The following ZNF74 variants were observed in gnomAD, a reference collection of about 807,000 sequenced individuals.
ZNF74 encodes zinc finger protein 520.
A neutral mutation model predicts 17.7 loss-of-function variants in ZNF74; 12 were observed. The ratio of observed to expected loss-of-function variants is 0.68; its 90% CI spans 0.43 to 1.10. The LOEUF (loss-of-function observed/expected upper bound fraction) is 1.10, where lower values mean the gene tolerates loss of function less well. Ranked by LOEUF, ZNF74 falls within the 50% of genes least tolerant of loss-of-function variation. The probability of loss-of-function intolerance (pLI) is 0.00; values close to 1 mark genes in which losing one functional copy is unlikely to be tolerated. For missense variants in ZNF74, 811 were observed against 881.0 expected, an observed-to-expected ratio of 0.92 and a Z score of 1.01; for synonymous variants, 358 against 362.1, an observed-to-expected ratio of 0.99 and a Z score of 0.13.
intron 4 of ZNF74, among the ~76,000 whole-genome samples, chr22:20,403,782 C>A (rs1286086705): frequency 1.3e-5 from 2 of 152,058 alleles, no homozygotes; most frequent in Non-Finnish European, 2.9e-5. Flanking sequence ...CCTCTGCTTC[C>A]CCCGCCCCCC....
Position 20,406,844 on chromosome 22 carries a change from G to C in ZNF74, c.1811G>C (p.Gly604Ala). The change falls in exon 5 of 5, where the codon GGT becomes GCT. Residue 604 changes from glycine (G) to alanine (A), a missense_variant. Physicochemically the swap from Gly to Ala is moderately conservative, Grantham distance 60. Coordinates refer to ENST00000400451, the MANE Select transcript of ZNF74 (RefSeq NM_003426.4). ...TACTACGTGCCTGGCAGCCTGCTGG[G>C]TGCAGGGGATGCTGGACTGAGGGAC... ...STYYVPGSLL[G>A]AGDAGLRDVD... The C allele has an allele frequency of 6.2e-7, 1 of 1,614,108 alleles. No individual in the cohort carries two copies. Among genetic ancestry groups the C allele is most frequent in the Non-Finnish European group, 8.5e-7 (1 of 1,180,042 alleles).
rs894864168 is a variant in ZNF74 at position 20,408,337 on chromosome 22, G to T, written c.*1369G>T. ...CTTTATACGGAGTGCTATCGTTTAT[G>T]AAATGCTTTCAGTATGCTTTTTAAA... is the stretch of plus-strand genomic sequence containing the variant. On this transcript the variant is annotated 3_prime_UTR_variant, in exon 5 of 5. Transcript: ENST00000400451. 6.6e-6 allele frequency: 1 copy of T among 152,224 alleles called. No homozygotes were observed. Among genetic ancestry groups the T allele is most frequent in the Non-Finnish European group, 1.5e-5 (1 of 68,040 alleles). The allele number at this position is 152,224 out of a possible 1,614,324, so 9.4% of individuals were successfully genotyped here.
In ZNF74 at chr22:20,406,806, C is replaced by T. The variant is rs775959336; in HGVS notation, c.1773C>T (p.His591=). The T allele has an allele frequency of 1.2e-5, 19 of 1,614,008 alleles. No homozygotes were observed. The highest frequency in any genetic ancestry group is 1.6e-5 in the Non-Finnish European group (19 of 1,180,038). ...GKPLAIQFNK[H]LLSTYYVPGS... ...CCTTGGCCATCCAGTTCAACAAACA[C>T]CTGCTCAGCACATACTACGTGCCTG... Residue 591 remains histidine (H), a synonymous_variant, in exon 5 of 5, where the codon CAC becomes CAT. Coordinates refer to ENST00000400451, the MANE Select transcript of ZNF74 (RefSeq NM_003426.4).
rs760111961 is a variant in ZNF74 at position 20,405,700 on chromosome 22, G to A, written c.667G>A (p.Ala223Thr). ...CGCGAGACTGTGTGCAGGGGAAAAC[G>A]CCTCCACGCCAAGTGAGCCAGAAAA... The part of the protein sequence containing the change: ...APARLCAGEN[A>T]STPSEPEKFP... Residue 223 changes from alanine (A) to threonine (T), a missense_variant, in exon 5 of 5, where the codon GCC becomes ACC. Around this residue, in one of 3 missense-constraint regions of ZNF74, gnomAD observed 666 missense variants for 702.3 expected, o/e 0.95. Coordinates refer to ENST00000400451, the MANE Select transcript of ZNF74 (RefSeq NM_003426.4). The A allele has an allele frequency of 5.6e-6, 9 of 1,605,390 alleles. No individual in the cohort carries two copies. Among genetic ancestry groups the A allele is most frequent in the African/African-American group, 1.3e-5 (1 of 74,704 alleles).
chr22:20,406,485 C>T lies in ZNF74; in HGVS notation c.1452C>T (p.His484=), dbSNP rs377060232. ...CNECGKAFSS[H]AYLIVHRRIH... is the part of the protein sequence containing the mutation. Reference sequence around the variant, plus strand: ...AGTGCGGCAAAGCCTTCAGCTCCCACGCCTACCTCATCGTGCACCGGCGCA... The same window carrying T: ...AGTGCGGCAAAGCCTTCAGCTCCCATGCCTACCTCATCGTGCACCGGCGCA... The change falls in exon 5 of 5, where the codon CAC becomes CAT. Residue 484 remains histidine, a synonymous_variant. Coordinates refer to ENST00000400451, the MANE Select transcript of ZNF74 (RefSeq NM_003426.4). 6 of 1,613,750 alleles carry T rather than the reference C, an allele frequency of 3.7e-6. No homozygotes were observed. The African/African-American group carries it at 5.3e-5, about 14-fold the overall frequency.
rs1227204625 is a variant in ZNF74 at position 20,407,338 on chromosome 22, C to G, written c.*370C>G. 2 of 223,964 alleles carry G rather than the reference C, an allele frequency of 8.9e-6. No individual in the cohort carries two copies. The highest frequency in any genetic ancestry group is 1.8e-5 in the Non-Finnish European group (2 of 112,718). 13.9% of individuals were successfully genotyped at this position (223,964 alleles called of 1,614,324 possible). On this transcript the variant is annotated 3_prime_UTR_variant, in exon 5 of 5. Transcript: ENST00000400451. ...GTGGGAGGCCAAGGCAAGGGGATCA[C>G]TTGAGCCCAGGAGTCTAGGACCAGC...
Position 20,408,266 on chromosome 22 carries a change from T to A in ZNF74, c.*1298T>A, listed in dbSNP as rs2146105997. ...GAGTTAATCTTGAATGAATGTTATT[T>A]CTACTTAGTCCTAAGCAAGAATAAG... On this transcript the variant is annotated 3_prime_UTR_variant, in exon 5 of 5. Coordinates refer to ENST00000400451, the MANE Select transcript of ZNF74 (RefSeq NM_003426.4). The A allele has an allele frequency of 6.6e-6, 1 of 152,368 alleles. No individual in the cohort carries two copies. The highest frequency in any genetic ancestry group is 1.9e-4 in the East Asian group (1 of 5,192). The allele number at this position is 152,368 out of a possible 1,614,324, so 9.4% of individuals were successfully genotyped here.
Position 20,401,418 on chromosome 22 carries a change from G to C in ZNF74, c.343+46G>C, listed in dbSNP as rs1299256125. The C allele has an allele frequency of 7.8e-7, 1 of 1,286,966 alleles. No individual in the cohort carries two copies. The allele number at this position is 1,286,966 out of a possible 1,614,324, so 79.7% of individuals were successfully genotyped here. A position where few individuals can be genotyped will look rare whatever the true frequency, so the allele number is the denominator to read the frequency against. On this transcript the variant is annotated intron_variant, in intron 4 of 4. Transcript: ENST00000400451. This position sits in a 1 kb window ranked among gnomAD's most constrained non-coding sequence, Gnocchi z 4.2. ...AAGGGTGCCAGCCCCAGCACCCCTG[G>C]TGGCACCTCCTCCTATGGCCCCTAT...
chr22:20,394,928 T>C, intron 1 of ZNF74: 2 of 506,330 alleles, frequency 3.9e-6, no homozygotes, highest in Non-Finnish European at 7.0e-6. Context: ...GCCCGGCTAA[T>C]GTTTGTATTT....
intron 1 of ZNF74, chr22:20,394,967 C>G (rs973260721): frequency 4.3e-6 from 2 of 463,858 alleles, no homozygotes; most frequent in Non-Finnish European, 7.7e-6. Flanking sequence ...TGCCATGTTT[C>G]CCAGGCTGGT....
Position 20,401,224 on chromosome 22 carries a change from G to C in ZNF74, c.248-53G>C. ...TTGTTAGGGGGCGGCCTGTAAGGTCGACTGGGCCTGGAGAGCTGCAGCATG... is the reference window on the plus strand; with the variant it reads ...TTGTTAGGGGGCGGCCTGTAAGGTCCACTGGGCCTGGAGAGCTGCAGCATG... On this transcript the variant is annotated intron_variant, in intron 3 of 4. Transcript: ENST00000400451. This position sits in a 1 kb window ranked among gnomAD's most constrained non-coding sequence, Gnocchi z 4.2. 1 of 1,303,534 alleles carries C rather than the reference G, an allele frequency of 7.7e-7. No homozygotes were observed. Among genetic ancestry groups the C allele is most frequent in the Non-Finnish European group, 1.1e-6 (1 of 916,982 alleles). 80.7% of individuals were successfully genotyped at this position (1,303,534 alleles called of 1,614,324 possible). A position where few individuals can be genotyped will look rare whatever the true frequency, so the allele number is the denominator to read the frequency against.
Position 20,406,878 on chromosome 22 carries a change from C to T in ZNF74, c.1845C>T (p.Pro615=), listed in dbSNP as rs1449523013. ...AGDAGLRDVD[P]IDALDVAKLL... is the part of the protein sequence containing the mutation. ...ATGCTGGACTGAGGGACGTGGATCC[C>T]ATCGACGCGCTGGATGTGGCAAAGC... The change falls in exon 5 of 5, where the codon CCC becomes CCT. Residue 615 remains proline, a synonymous_variant. Coordinates refer to ENST00000400451, the MANE Select transcript of ZNF74 (RefSeq NM_003426.4). 3 of 1,614,042 alleles carry T rather than the reference C, an allele frequency of 1.9e-6. No homozygotes were observed. The highest frequency in any genetic ancestry group is 2.5e-6 in the Non-Finnish European group (3 of 1,180,040).
chr22:20,405,861 C>G lies in ZNF74; in HGVS notation c.828C>G (p.Tyr276Ter), dbSNP rs762294533. The G allele has an allele frequency of 1.2e-6, 2 of 1,613,762 alleles. No individual in the cohort carries two copies. The highest frequency in any genetic ancestry group is 1.7e-6 in the Non-Finnish European group (2 of 1,179,916). Residue 276 changes from tyrosine to a stop codon, truncating the protein, a stop_gained, in exon 5 of 5, where the codon TAC becomes TAG. Coordinates refer to ENST00000400451, the MANE Select transcript of ZNF74 (RefSeq NM_003426.4). LOFTEE classifies it low-confidence loss of function (END_TRUNC). ...HRRWHSREKAYKCDECGKAFT... is the reference protein window; with the variant it reads ...HRRWHSREKA The stretch of plus-strand genomic sequence containing the variant: ...GCTGGCACAGCCGGGAGAAGGCTTA[C>G]AAGTGCGATGAATGCGGCAAGGCCT...
chr22:20,400,554 G>C (rs73879342), intron 2 of ZNF74, 78 bp from the exon 3 acceptor site: 19,770 of 1,579,424 alleles, frequency 0.013, 676 homozygotes, highest in African/African-American at 0.092. Context: ...TACTTGTAGG[G>C]TCCTTAATCA....
chr22:20,394,933 G>C, intron 1 of ZNF74: 1 of 503,596 alleles, frequency 2.0e-6, no homozygotes, highest in Non-Finnish European at 3.5e-6. Flanking sequence ...GCTAATGTTT[G>C]TATTTTTAGT....
Position 20,394,590 on chromosome 22 carries a change from C to CAGCT in ZNF74, c.-38_-35dup. On this transcript the variant is annotated 5_prime_UTR_variant, in exon 1 of 5. Transcript: ENST00000400451. ...CCTGCCCTGGATCCTGGAGGCTACA[C>CAGCT]AGCTGCCCACTCCTCCTGGGGAGGC... 6.2e-7 allele frequency: 1 copy of CAGCT among 1,612,730 alleles called. No individual in the cohort carries two copies. The highest frequency in any genetic ancestry group is 8.5e-7 in the Non-Finnish European group (1 of 1,178,790).
rs890008665 is a variant in ZNF74, at chr22:20,407,121, C to T, written c.*153C>T. ...TCAGGTCTGCATGCCAGGGTGCCTC[C>T]TCTAGTTAAAGTCAGTCACCTCCCC... On this transcript the variant is annotated 3_prime_UTR_variant, in exon 5 of 5. Coordinates refer to ENST00000400451, the MANE Select transcript of ZNF74 (RefSeq NM_003426.4). 1.3e-5 allele frequency: 17 copies of T among 1,283,732 alleles called. No homozygotes were observed. The highest frequency in any genetic ancestry group is 1.7e-5 in the Non-Finnish European group (16 of 962,762). The allele number at this position is 1,283,732 out of a possible 1,614,324, so 79.5% of individuals were successfully genotyped here. A position where few individuals can be genotyped will look rare whatever the true frequency, so the allele number is the denominator to read the frequency against.
intron 2 of ZNF74, among the ~76,000 whole-genome samples, chr22:20,397,087 T>TTTTTC (rs2052303593): frequency 2.3e-5 from 1 of 42,690 alleles, no homozygotes; most frequent in Non-Finnish European, 6.3e-5. Context: ...TTTTCTTTTT[T>TTTTTC]TTTTTTTGAG....
At chr22:20,395,623 G>A (rs1265184699) in intron 2 of ZNF74, among the ~76,000 whole-genome samples, 3 of 152,142 alleles carry the variant, frequency 2.0e-5, no homozygotes, top group Non-Finnish European at 4.4e-5. Flanking sequence ...TGAATGTCTC[G>A]CCCAGTCCAA....
Sources: gnomAD v4.1 joint callset for allele counts (sites outside exome capture counted in the v4.1 genomes callset) on GRCh38, gnomAD v4.1.1 for gene constraint, gnomAD v4.1.1 regional missense constraint, Gnocchi (gnomAD v3.1) non-coding constraint, MANE v1.5 for transcripts, NCBI Gene and HGNC (gene_info 2026-07-23, HGNC 2026-07-21) for gene names.